The following MEMO1 variants were observed in gnomAD, a reference collection of about 807,000 sequenced individuals.
MEMO1 encodes protein MEMO1.
In MEMO1, 6 loss-of-function variants were observed where a neutral mutation model predicts 45.2. The ratio of observed to expected loss-of-function variants is 0.13; its 90% CI spans 0.07 to 0.26. MEMO1 has a LOEUF of 0.26. MEMO1 is among the 10% of genes least tolerant of loss of function. MEMO1 has a pLI of 1.00. For synonymous variants in MEMO1, 78 were observed against 124.3 expected, an observed-to-expected ratio of 0.63 and a Z score of 2.48; for missense variants, 184 against 370.5, an observed-to-expected ratio of 0.50 and a Z score of 4.13.
chr2:31,895,997 C>T (rs1423008243), intron 6 of MEMO1, among the ~76,000 whole-genome samples: 5 of 152,020 alleles, frequency 3.3e-5, no homozygotes, highest in African/African-American at 1.2e-4. Flanking sequence ...GCGCCCGCCA[C>T]CTCGCCCAGC....
chr2:31,968,501 A>G (rs949067918), intron 2 of MEMO1, among the ~76,000 whole-genome samples: 5 of 152,114 alleles, frequency 3.3e-5, no homozygotes, highest in African/African-American at 1.2e-4. Context: ...TATTATGGAC[A>G]CCTCCTGGTA....
intron 6 of MEMO1, among the ~76,000 whole-genome samples, chr2:31,911,999 T>G (rs1680634942): frequency 6.6e-6 from 1 of 152,118 alleles, no homozygotes. Context: ...CTATATATCC[T>G]AACTGAATCT....
chr2:31,988,098 T>G (rs1671491969), intron 2 of MEMO1, among the ~76,000 whole-genome samples: 1 of 152,198 alleles, frequency 6.6e-6, no homozygotes, highest in Admixed American at 6.5e-5. Flanking sequence ...GGTTTCTTTT[T>G]TTCTTTTTCA....
chr2:31,946,597 C>T (rs1484026000), intron 2 of MEMO1, among the ~76,000 whole-genome samples: 2 of 152,172 alleles, frequency 1.3e-5, no homozygotes, highest in Non-Finnish European at 2.9e-5. Context: ...CGCGGTGGCT[C>T]ATGCCTGTAA....
chr2:31,932,219 T>TA (rs1664267290), intron 3 of MEMO1, 84 bp from the exon 4 acceptor site: 1 of 1,111,218 alleles, frequency 9.0e-7, no homozygotes, highest in Non-Finnish European at 1.4e-6. Flanking sequence ...ATAAATACAG[T>TA]ACCTATGGTA....
intron 2 of MEMO1, among the ~76,000 whole-genome samples, chr2:31,952,927 C>T (rs1465760371): frequency 6.6e-6 from 1 of 152,166 alleles, no homozygotes; most frequent in Non-Finnish European, 1.5e-5. Context: ...TCTTCAAAGA[C>T]ACTGTATGAT....
At chr2:31,960,153 C>A (rs776030519) in intron 2 of MEMO1, among the ~76,000 whole-genome samples, 2 of 151,326 alleles carry the variant, frequency 1.3e-5, no homozygotes, top group South Asian at 2.1e-4. Flanking sequence ...GTCGATATCA[C>A]GCCACTGCAC....
intron 2 of MEMO1, among the ~76,000 whole-genome samples, chr2:32,009,036 G>A (rs1483087802): frequency 6.6e-6 from 1 of 152,122 alleles, no homozygotes; most frequent in Non-Finnish European, 1.5e-5. Context: ...AAGACTATGA[G>A]GAATCACAGT....
intron 6 of MEMO1, 71 bp downstream of exon 6, chr2:31,917,855 T>A: frequency 2.0e-6 from 2 of 982,266 alleles, no homozygotes; most frequent in South Asian, 3.4e-5. Flanking sequence ...TACTAGGATT[T>A]ACTAGTTTTA....
intron 4 of MEMO1, among the ~76,000 whole-genome samples, chr2:31,927,834 T>G (rs1266534380): frequency 6.6e-6 from 1 of 152,220 alleles, no homozygotes; most frequent in Non-Finnish European, 1.5e-5. Context: ...TTTGGTGTCC[T>G]TAATAAGTTA....
chr2:31,899,267 C>G (rs1317330346), intron 6 of MEMO1, among the ~76,000 whole-genome samples: 1 of 152,134 alleles, frequency 6.6e-6, no homozygotes, highest in Non-Finnish European at 1.5e-5. Flanking sequence ...AAGCATCATG[C>G]TACCTGATTT....
chr2:31,933,296 C>A (rs1198705236), intron 3 of MEMO1, among the ~76,000 whole-genome samples: 1 of 101,444 alleles, frequency 9.9e-6, no homozygotes, highest in East Asian at 3.3e-4. Context: ...GCCTGGATGA[C>A]AGAGCGAGAT....
chr2:31,872,016 A>AACACACACACACACAC (rs55682785), intron 8 of MEMO1, among the ~76,000 whole-genome samples: 5,142 of 143,196 alleles, frequency 0.036, 193 homozygotes, highest in African/African-American at 0.095. Flanking sequence ...TCTGTCTCAA[A>AACACACACACACACAC]ACACACACAC....
chr2:31,873,935 T>C lies in MEMO1; in HGVS notation c.658-3983A>G, dbSNP rs1674168052. Among the ~76,000 whole-genome samples the C allele has an allele frequency of 5.3e-5, 8 of 152,198 alleles. No individual in the cohort carries two copies. The South Asian group carries it at 1.7e-3, about 32-fold the overall frequency. ...AATGGCTATCTTATAAGTGATGTTA[T>C]AAAACTTACTAAAAAGCTATTGGCT... On this transcript the variant is annotated intron_variant, in intron 8 of 9. Coordinates refer to ENST00000404530, the MANE Select transcript of MEMO1 (RefSeq NM_001301833.4).
chr2:31,945,135 G>C (rs1485387095), intron 2 of MEMO1, among the ~76,000 whole-genome samples: 1 of 152,218 alleles, frequency 6.6e-6, no homozygotes, highest in East Asian at 1.9e-4. Context: ...TCAATATACT[G>C]TACACAACCT....
intron 6 of MEMO1, among the ~76,000 whole-genome samples, chr2:31,913,869 A>T (rs1329171202): frequency 6.6e-6 from 1 of 152,146 alleles, no homozygotes; most frequent in African/African-American, 2.4e-5. Flanking sequence ...CCTCCCATCA[A>T]AAATAGCATC....
intron 4 of MEMO1, among the ~76,000 whole-genome samples, chr2:31,927,716 T>A (rs566392734): frequency 6.6e-6 from 1 of 152,212 alleles, no homozygotes; most frequent in East Asian, 1.9e-4. Context: ...TTCTCATTTT[T>A]AAAAATGTTA....
chr2:31,992,822 G>A (rs1433998344), intron 2 of MEMO1, among the ~76,000 whole-genome samples: 1 of 151,806 alleles, frequency 6.6e-6, no homozygotes, highest in Non-Finnish European at 1.5e-5. Context: ...ATAATAAGGA[G>A]CATTTATAGA....
chr2:31,868,797 A>G (rs1673233544), intron 9 of MEMO1, among the ~76,000 whole-genome samples: 1 of 152,124 alleles, frequency 6.6e-6, no homozygotes, highest in Admixed American at 6.5e-5. Context: ...ATTTCTCTTT[A>G]CCGTATAAAC....
Sources: gnomAD v4.1 joint callset for allele counts (sites outside exome capture counted in the v4.1 genomes callset) on GRCh38, gnomAD v4.1.1 for gene constraint, MANE v1.5 for transcripts, NCBI Gene and HGNC (gene_info 2026-07-23, HGNC 2026-07-21) for gene names.